LEPR: variants seen among roughly 807,000 people sequenced by gnomAD.
LEPR encodes the protein OB receptor.
LEPR carries 56 observed loss-of-function variants against 114.7 expected under a neutral mutation model. The ratio of observed to expected loss-of-function variants is 0.49; its 90% CI spans 0.39 to 0.61. The LOEUF is 0.61. Ranked by LOEUF, LEPR falls within the 20% of genes least tolerant of loss-of-function variation. The probability of loss-of-function intolerance (pLI) is 0.00; values close to 1 mark genes in which losing one functional copy is unlikely to be tolerated. For synonymous variants in LEPR, 443 were observed against 461.4 expected (o/e 0.96, Z 0.51); for missense variants, 1,202 against 1,352.9 (o/e 0.89, Z 1.75).
At chr1:65,626,743 A>T (rs1289073556) in intron 19 of LEPR, among the ~76,000 whole-genome samples, 12 of 152,176 alleles carry the variant, frequency 7.9e-5, no homozygotes, top group Non-Finnish European at 1.3e-4. Context: ...CCTTGGGCTC[A>T]ACTGATCCTC....
chr1:65,420,868 C>G, intron 1 of LEPR, 128 bp downstream of exon 1: 1 of 1,179,996 alleles, frequency 8.5e-7, no homozygotes, highest in Non-Finnish European at 1.2e-6. Context: ...CTCTCCGGTT[C>G]GGGAGGCGAT....
intron 2 of LEPR, among the ~76,000 whole-genome samples, chr1:65,437,576 C>T (rs961426450): frequency 1.3e-5 from 2 of 151,682 alleles, no homozygotes; most frequent in Admixed American, 6.6e-5. Context: ...ACCCGAAAGG[C>T]GGAGGTTGCA....
intron 3 of LEPR, among the ~76,000 whole-genome samples, chr1:65,568,716 T>C (rs570676818): frequency 3.2e-4 from 48 of 152,010 alleles, no homozygotes; most frequent in Non-Finnish European, 3.7e-4. Context: ...GATTGAATGA[T>C]AGTTCTACTT....
At chr1:65,634,142 A>G in intron 19 of LEPR, 1 of 985,356 alleles carries the variant, frequency 1.0e-6, no homozygotes, top group Non-Finnish European at 1.2e-6. Flanking sequence ...CACACGAATT[A>G]TGCTGCGTTG....
intron 19 of LEPR, among the ~76,000 whole-genome samples, chr1:65,631,809 T>A (rs186711162): frequency 4.2e-4 from 64 of 152,306 alleles, no homozygotes; most frequent in Admixed American, 4.2e-3. Context: ...GTTTTGCACC[T>A]TTTTACCTTA....
At chr1:65,491,944 G>A (rs978092068) in intron 2 of LEPR, among the ~76,000 whole-genome samples, 3 of 152,108 alleles carry the variant, frequency 2.0e-5, no homozygotes, top group Non-Finnish European at 4.4e-5. Flanking sequence ...TCCATTCACT[G>A]CAGCATCCAA....
At chr1:65,574,624 T>A (rs1654449956) in intron 5 of LEPR, among the ~76,000 whole-genome samples, 1 of 152,226 alleles carries the variant, frequency 6.6e-6, no homozygotes, top group African/African-American at 2.4e-5. Context: ...TTAACAGTTG[T>A]TCTACCTCTA....
chr1:65,531,334 A>G (rs1470216997), intron 2 of LEPR, among the ~76,000 whole-genome samples: 1 of 152,088 alleles, frequency 6.6e-6, no homozygotes, highest in Non-Finnish European at 1.5e-5. Flanking sequence ...TCTCCTTTTC[A>G]ATGAGGCCTA....
At chr1:65,473,415 T>A (rs949866199) in intron 2 of LEPR, among the ~76,000 whole-genome samples, 8 of 152,226 alleles carry the variant, frequency 5.3e-5, no homozygotes, top group Non-Finnish European at 1.0e-4. Flanking sequence ...GAATATGCTA[T>A]GACAGTATCT....
chr1:65,520,681 C>G (rs765360405), intron 2 of LEPR, among the ~76,000 whole-genome samples: 3 of 148,434 alleles, frequency 2.0e-5, no homozygotes, highest in Non-Finnish European at 3.0e-5. Flanking sequence ...GGGGTCTCAG[C>G]CTTCAGAGCT....
intron 16 of LEPR, among the ~76,000 whole-genome samples, chr1:65,619,218 C>T (rs1440494914): frequency 2.0e-5 from 3 of 152,116 alleles, no homozygotes; most frequent in Admixed American, 2.0e-4. Context: ...GAATTTAGTT[C>T]ATCACCACTG....
At chr1:65,546,835 C>G (rs1651776636) in intron 2 of LEPR, among the ~76,000 whole-genome samples, 1 of 152,138 alleles carries the variant, frequency 6.6e-6, no homozygotes, top group African/African-American at 2.4e-5. Flanking sequence ...GCCAGAACTT[C>G]CAACACTATG....
chr1:65,520,589 C>T (rs527380525), intron 2 of LEPR, among the ~76,000 whole-genome samples: 69 of 152,232 alleles, frequency 4.5e-4, no homozygotes, highest in Middle Eastern at 3.4e-3. Context: ...AAGACCAGCT[C>T]GGCTGGGGAG....
intron 2 of LEPR, among the ~76,000 whole-genome samples, chr1:65,513,652 A>G (rs1431346904): frequency 6.6e-6 from 1 of 152,190 alleles, no homozygotes; most frequent in Non-Finnish European, 1.5e-5. Flanking sequence ...GGTTTGTAGT[A>G]TGTGTGTACC....
chr1:65,504,711 T>C (rs1648635174), intron 2 of LEPR, among the ~76,000 whole-genome samples: 2 of 152,156 alleles, frequency 1.3e-5, no homozygotes, highest in African/African-American at 4.8e-5. Flanking sequence ...AGAAAAATAG[T>C]GTGAGGTTAA....
At chr1:65,631,480 A>G (rs1277441113) in intron 19 of LEPR, among the ~76,000 whole-genome samples, 1 of 151,478 alleles carries the variant, frequency 6.6e-6, no homozygotes, top group African/African-American at 2.4e-5. Context: ...TACTCTTCCA[A>G]TTGTTTTCTA....
At chr1:65,617,508 AG>A (rs1448436442) in intron 15 of LEPR, among the ~76,000 whole-genome samples, 2 of 152,240 alleles carry the variant, frequency 1.3e-5, no homozygotes, top group African/African-American at 4.8e-5. Flanking sequence ...GAAGGCAGAG[AG>A]GTGCGTTGAG....
chr1:65,575,934 C>T (rs2100828903), intron 5 of LEPR, among the ~76,000 whole-genome samples: 2 of 151,624 alleles, frequency 1.3e-5, no homozygotes, highest in South Asian at 4.1e-4. Flanking sequence ...GCTCCCATCT[C>T]TATCAGATCT....
In LEPR at chr1:65,633,226, A is replaced by G. The variant is rs1215273847; in HGVS notation, c.2674-2965A>G. On this transcript the variant is annotated intron_variant, in intron 19 of 19. Coordinates refer to ENST00000349533, the MANE Select transcript of LEPR (RefSeq NM_002303.6). The surrounding 1 kb of genome is among the most constrained non-coding windows in gnomAD (Gnocchi z 4.1). ...ATGTGCCAACTTCCCAACAGTCTATAGAGTATTAGAAGATTTTTACATTTT... is the reference window on the plus strand; with the variant it reads ...ATGTGCCAACTTCCCAACAGTCTATGGAGTATTAGAAGATTTTTACATTTT... 2.5e-6 allele frequency: 4 copies of G among 1,601,354 alleles called. No homozygotes were observed. In the Admixed American group the frequency reaches 5.1e-5, roughly 20 times the overall value.
Sources: gnomAD v4.1 joint callset for allele counts (sites outside exome capture counted in the v4.1 genomes callset) on GRCh38, gnomAD v4.1.1 for gene constraint, Gnocchi (gnomAD v3.1) non-coding constraint, MANE v1.5 for transcripts, NCBI Gene and HGNC (gene_info 2026-07-23, HGNC 2026-07-21) for gene names.